VPS8: variants seen among roughly 807,000 people sequenced by gnomAD.
VPS8 encodes vacuolar protein sorting-associated protein 8 homolog.
Under a neutral mutation model 216.4 loss-of-function variants are expected in VPS8, and 129 were observed. That is an observed-to-expected ratio of 0.60 (90% CI 0.52 to 0.69). The LOEUF (loss-of-function observed/expected upper bound fraction) is 0.69. Among genes scored for constraint, VPS8 ranks in the 30% least tolerant of loss-of-function variants. The pLI is 0.00. For missense variants in VPS8, 1,531 were observed against 1,683.5 expected (o/e 0.91, Z 1.59); for synonymous variants, 571 against 565.4 (o/e 1.01, Z -0.14).
chr3:184,838,731 C>T lies in VPS8; in HGVS notation c.465C>T (p.Gly155=). Residue 155 remains glycine, a synonymous_variant, in exon 6 of 48, where the codon GGC becomes GGT. Coordinates refer to ENST00000625842, the MANE Select transcript of VPS8 (RefSeq NM_001009921.3). ...TCATTTAGGACAAAGTAGATGCTGGCTTGCCTACAGCAATTGTAAGTATAC... is the reference window on the plus strand; with the variant it reads ...TCATTTAGGACAAAGTAGATGCTGGTTTGCCTACAGCAATTGTAAGTATAC... ...IVSAADKVDA[G]LPTAIAVSSL... 6.5e-7 allele frequency: 1 copy of T among 1,542,808 alleles called. No individual in the cohort carries two copies. Among genetic ancestry groups the T allele is most frequent in the East Asian group, 2.4e-5 (1 of 41,414 alleles).
At chr3:184,991,468 G>T (rs1477827521) in intron 42 of VPS8, among the ~76,000 whole-genome samples, 1 of 152,038 alleles carries the variant, frequency 6.6e-6, no homozygotes, top group Non-Finnish European at 1.5e-5. Context: ...TCTTGATTTT[G>T]CTTTTAAATT....
intron 46 of VPS8, among the ~76,000 whole-genome samples, chr3:185,038,438 TTCTGACC>T (rs1759194533): frequency 6.6e-6 from 1 of 152,384 alleles, no homozygotes; most frequent in East Asian, 1.9e-4. Context: ...TTGATATTTC[TTCTGACC>T]TCACAAGGTC....
At chr3:184,938,754 A>G (rs115021819) in intron 35 of VPS8, among the ~76,000 whole-genome samples, 1,686 of 151,446 alleles carry the variant, frequency 0.011, 27 homozygotes, top group African/African-American at 0.039. Flanking sequence ...TGGGCGGGGC[A>G]CAGTGGCTCA....
chr3:184,931,912 C>A (rs1166491630), intron 34 of VPS8, among the ~76,000 whole-genome samples: 1 of 152,044 alleles, frequency 6.6e-6, no homozygotes, highest in Non-Finnish European at 1.5e-5. Flanking sequence ...TTCCAGACAT[C>A]AAAAATGAAG....
intron 29 of VPS8, among the ~76,000 whole-genome samples, chr3:184,923,851 A>G (rs1266843223): frequency 1.3e-5 from 2 of 152,196 alleles, no homozygotes; most frequent in Non-Finnish European, 2.9e-5. Context: ...TTTAAAACTT[A>G]GCTTAAAAGC....
At chr3:184,818,521 CAAA>C (rs11310520) in intron 1 of VPS8, among the ~76,000 whole-genome samples, 18 of 89,270 alleles carry the variant, frequency 2.0e-4, no homozygotes, top group Non-Finnish European at 1.7e-4. Context: ...GAACCTGTCT[CAAA>C]AAAAAAAAAA....
intron 35 of VPS8, among the ~76,000 whole-genome samples, chr3:184,939,554 CTT>C (rs71632037): frequency 1.9e-3 from 270 of 141,146 alleles, no homozygotes; most frequent in Middle Eastern, 7.5e-3. Context: ...TTGCTGTCCT[CTT>C]TTTTTTTTTT....
intron 8 of VPS8, 32 bp downstream of exon 8, chr3:184,843,277 G>T (rs201375428): frequency 7.2e-7 from 1 of 1,379,788 alleles, no homozygotes; most frequent in Middle Eastern, 1.9e-4. Context: ...TGCATGAATG[G>T]TTTCTTTTGG....
At chr3:184,919,646 T>C (rs544556172) in intron 28 of VPS8, among the ~76,000 whole-genome samples, 1 of 152,308 alleles carries the variant, frequency 6.6e-6, no homozygotes, top group African/African-American at 2.4e-5. Flanking sequence ...TTTACCATAA[T>C]AATTTTTAAA....
Position 184,996,315 on chromosome 3 carries a change from G to A in VPS8, c.3667-17G>A. On this transcript the variant is annotated splice_polypyrimidine_tract_variant and intron_variant, in intron 43 of 47. Transcript: ENST00000625842. ...ATAACCTTTTGTTTGTTTGTTTTTT[G>A]TTTTGGTGTTTCATAGACCCTGCTG... is the stretch of plus-strand genomic sequence containing the variant. 1 of 1,583,056 alleles carries A rather than the reference G, an allele frequency of 6.3e-7. No individual in the cohort carries two copies. Among genetic ancestry groups the A allele is most frequent in the Non-Finnish European group, 8.6e-7 (1 of 1,165,616 alleles).
At chr3:184,983,958 G>T (rs943119988) in intron 42 of VPS8, among the ~76,000 whole-genome samples, 22 of 151,474 alleles carry the variant, frequency 1.5e-4, no homozygotes, top group Non-Finnish European at 2.5e-4. Flanking sequence ...GCCGAGGCGG[G>T]CGGATCATGA....
At position 184,934,732 on chromosome 3, in the gene VPS8, G is replaced by C. The variant is rs906438534; in HGVS notation, c.2899-1514G>C. 8.8e-4 allele frequency among the ~76,000 whole-genome samples: 134 copies of C among 152,056 alleles called. 2 individuals are homozygous for C. Among genetic ancestry groups the C allele is most frequent in the Non-Finnish European group, 1.5e-4 (10 of 67,998 alleles). On this transcript the variant is annotated intron_variant, in intron 34 of 47. Transcript: ENST00000625842. The stretch of plus-strand genomic sequence containing the variant: ...TTGCAGATAAGTGCAGCTTGATCCT[G>C]ATATATTATTTTTATACATTGCTGA...
At chr3:184,875,110 T>C (rs541655929) in intron 21 of VPS8, among the ~76,000 whole-genome samples, 76 of 149,670 alleles carry the variant, frequency 5.1e-4, no homozygotes, top group African/African-American at 1.8e-3. Flanking sequence ...TCTGTATCTG[T>C]CTCAAGAAGC....
chr3:184,923,070 A>G (rs1221105390), intron 29 of VPS8, among the ~76,000 whole-genome samples: 1 of 152,160 alleles, frequency 6.6e-6, no homozygotes, highest in African/African-American at 2.4e-5. Context: ...AGAAAGGGCA[A>G]AAGAGAGGGA....
intron 46 of VPS8, among the ~76,000 whole-genome samples, chr3:185,033,560 A>G (rs1577232613): frequency 6.6e-6 from 1 of 152,222 alleles, no homozygotes; most frequent in Non-Finnish European, 1.5e-5. Flanking sequence ...CTATGTTTTG[A>G]CAATCGTGAC....
chr3:184,965,240 G>A (rs1560897610), intron 38 of VPS8, among the ~76,000 whole-genome samples: 3 of 152,062 alleles, frequency 2.0e-5, no homozygotes, highest in African/African-American at 7.2e-5. Flanking sequence ...TTGGCTTCTC[G>A]TTTCTTTCTA....
chr3:185,003,695 G>A (rs1265656185), intron 45 of VPS8, among the ~76,000 whole-genome samples: 17 of 151,996 alleles, frequency 1.1e-4, no homozygotes, highest in African/African-American at 3.4e-4. Flanking sequence ...TGTGGTGGCC[G>A]GGCAGAGTGG....
At chr3:184,898,085 A>C (rs1345000915) in intron 23 of VPS8, among the ~76,000 whole-genome samples, 1 of 152,058 alleles carries the variant, frequency 6.6e-6, no homozygotes, top group East Asian at 1.9e-4. Flanking sequence ...ATAATGAATT[A>C]TTTGTGTAAT....
chr3:184,973,591 A>G (rs544574587), intron 40 of VPS8, among the ~76,000 whole-genome samples: 3 of 152,288 alleles, frequency 2.0e-5, no homozygotes, highest in Admixed American at 1.3e-4. Flanking sequence ...GAAATATGCA[A>G]TAAATTATTG....
Sources: allele counts gnomAD v4.1 joint callset (sites outside exome capture counted in the v4.1 genomes callset), GRCh38; gene constraint gnomAD v4.1.1; transcripts MANE v1.5; gene names NCBI Gene and HGNC (gene_info 2026-07-23, HGNC 2026-07-21).